Variants in THUMPD3 observed in about 807,000 individuals in gnomAD.
THUMPD3 encodes the protein THUMP domain 3 tRNA guanosine methyltransferase, also known as tRNA (guanine(6)-N(2))-methyltransferase THUMP3.
A neutral mutation model predicts 54.5 loss-of-function variants in THUMPD3; 44 were observed. That is an observed-to-expected ratio of 0.81 (90% CI 0.63 to 1.04). THUMPD3 has a LOEUF of 1.04. THUMPD3 is among the 50% of genes least tolerant of loss of function. The pLI, the probability that THUMPD3 is intolerant of heterozygous loss-of-function variation, is 0.00. For missense variants in THUMPD3, 604 were observed against 601.3 expected (o/e 1.00, Z -0.05); for synonymous variants, 196 against 201.4 (o/e 0.97, Z 0.23).
intron 5 of THUMPD3, among the ~76,000 whole-genome samples, chr3:9,375,420 C>T (rs760878795): frequency 3.3e-4 from 50 of 152,214 alleles, no homozygotes; most frequent in Admixed American, 2.4e-3. Flanking sequence ...GAGTACACGA[C>T]CTATCTTTCC....
chr3:9,365,137 A>G lies in THUMPD3; in HGVS notation c.69A>G (p.Val23=), dbSNP rs753603286. The change falls in exon 2 of 10, where the codon GTA becomes GTG. Residue 23 remains valine, a synonymous_variant. Transcript: ENST00000452837. ...DVNLHENQKS[V]QVTESDLGSE... ...ACCTTCATGAGAACCAGAAGTCTGT[A>G]CAAGTGACAGAAAGTGACCTCGGAA... 1.2e-6 allele frequency: 2 copies of G among 1,614,232 alleles called. No individual in the cohort carries two copies. Among genetic ancestry groups the G allele is most frequent in the African/African-American group, 1.3e-5 (1 of 75,068 alleles).
At chr3:9,377,911 T>C in intron 6 of THUMPD3, 23 bp downstream of exon 6, 1 of 1,575,970 alleles carries the variant, frequency 6.3e-7, no homozygotes, top group South Asian at 1.1e-5. Context: ...CTTTAGCTTT[T>C]AGATAAGAGT....
chr3:9,380,081 C>A (rs2032765272), intron 6 of THUMPD3, among the ~76,000 whole-genome samples: 1 of 152,112 alleles, frequency 6.6e-6, no homozygotes. Flanking sequence ...ACCGCATTAA[C>A]TTAGAATTTA....
chr3:9,383,284 G>A lies in THUMPD3; in HGVS notation c.1210G>A (p.Val404Ile). The A allele has an allele frequency of 1.2e-6, 2 of 1,613,556 alleles. No homozygotes were observed. Among genetic ancestry groups the A allele is most frequent in the Non-Finnish European group, 1.7e-6 (2 of 1,179,550 alleles). The change falls in exon 8 of 10, where the codon GTA becomes ATA. Residue 404 changes from valine (V) to isoleucine (I), a missense_variant. Physicochemically the swap from Val to Ile is conservative, Grantham distance 29. Coordinates refer to ENST00000452837, the MANE Select transcript of THUMPD3 (RefSeq NM_001114092.2). ...PLRTGSVDII[V>I]TDLPFGKRMG... ...GAGAACTGGCTCTGTGGATATTATT[G>A]TAACAGATTTGCCATTTGGAAAAAG...
In THUMPD3 at chr3:9,363,068, T is replaced by C. The variant is rs2031007297; in HGVS notation, c.-113T>C. On this transcript the variant is annotated 5_prime_UTR_variant, in exon 1 of 10. Transcript: ENST00000452837. ...TTTCCGGGGGCGGCTTCCGGCGGCG[T>C]GACCTGACCGCAAGAGGCCAATGGA... 1 of 152,176 alleles carries C rather than the reference T, an allele frequency of 6.6e-6. No individual in the cohort carries two copies. Among genetic ancestry groups the C allele is most frequent in the Non-Finnish European group, 1.5e-5 (1 of 68,112 alleles). The allele number at this position is 152,176 out of a possible 1,614,324, so 9.4% of individuals were successfully genotyped here.
At position 9,384,709 on chromosome 3, in the gene THUMPD3, A is replaced by T; in HGVS notation, c.*21A>T. On this transcript the variant is annotated 3_prime_UTR_variant, in exon 10 of 10. Transcript: ENST00000452837. ...AATGAAGATGACTAATAGTACTTGTACTTCCCACCACTGGAAATGTTAGCA... is the reference window on the plus strand; with the variant it reads ...AATGAAGATGACTAATAGTACTTGTTCTTCCCACCACTGGAAATGTTAGCA... The T allele has an allele frequency of 6.2e-7, 1 of 1,612,346 alleles. No homozygotes were observed. Among genetic ancestry groups the T allele is most frequent in the Non-Finnish European group, 8.5e-7 (1 of 1,178,726 alleles).
In THUMPD3 at chr3:9,377,896, T is replaced by C. The variant is rs200611720; in HGVS notation, c.1008+8T>C. On this transcript the variant is annotated splice_region_variant and intron_variant, in intron 6 of 9. Transcript: ENST00000452837. ...GGGGCAATACCAATAGAGGTAATCA[T>C]ATTTCTTTAGCTTTTAGATAAGAGT... 10 of 1,605,504 alleles carry C rather than the reference T, an allele frequency of 6.2e-6. No homozygotes were observed. In the African/African-American group the frequency reaches 6.7e-5, roughly 11 times the overall value.
At chr3:9,382,079 G>A (rs377453964) in intron 7 of THUMPD3, among the ~76,000 whole-genome samples, 28 of 151,782 alleles carry the variant, frequency 1.8e-4, no homozygotes, top group African/African-American at 5.3e-4. Flanking sequence ...CACTGTGCCC[G>A]GCCTCAACCT....
At chr3:9,370,989 G>A in intron 3 of THUMPD3, 71 bp from the exon 4 acceptor site, 7 of 1,318,572 alleles carry the variant, frequency 5.3e-6, no homozygotes, top group Non-Finnish European at 5.2e-6. Context: ...CTGTCCATAA[G>A]CAAAGTAGAG....
rs1341569357 is a variant in THUMPD3 at position 9,386,531 on chromosome 3, C to CT, written c.*1844dup. Reference sequence around the variant, plus strand: ...ATCATAGCTTTAATTCTATTACATACTACAATAAAAATTTGACAAGACTGA... The same window carrying CT: ...ATCATAGCTTTAATTCTATTACATACTTACAATAAAAATTTGACAAGACTGA... On this transcript the variant is annotated 3_prime_UTR_variant, in exon 10 of 10. Transcript: ENST00000452837. 1 of 152,118 alleles carries CT rather than the reference C, an allele frequency of 6.6e-6. No homozygotes were observed. Among genetic ancestry groups the CT allele is most frequent in the African/African-American group, 2.4e-5 (1 of 41,408 alleles). The allele number at this position is 152,118 out of a possible 1,614,324, so 9.4% of individuals were successfully genotyped here.
chr3:9,370,962 T>TC, intron 3 of THUMPD3, 98 bp from the exon 4 acceptor site: 2 of 1,012,638 alleles, frequency 2.0e-6, no homozygotes, highest in East Asian at 4.9e-5. Flanking sequence ...GGAACCAGTG[T>TC]CCCCCACGGA....
chr3:9,381,475 GGAC>G (rs2032887500), intron 7 of THUMPD3, among the ~76,000 whole-genome samples: 1 of 152,066 alleles, frequency 6.6e-6, no homozygotes, highest in African/African-American at 2.4e-5. Flanking sequence ...GGAAACTCCA[GGAC>G]AATGCTGATG....
chr3:9,366,896 T>G lies in THUMPD3; in HGVS notation c.253-12T>G. ...GCTTTCTCAGAAATGTGTTTCTTTT[T>G]TTTTCACCCAGGTTCATTGTCTGAG... On this transcript the variant is annotated splice_polypyrimidine_tract_variant and intron_variant, in intron 2 of 9. Transcript: ENST00000452837. 1 of 1,601,600 alleles carries G rather than the reference T, an allele frequency of 6.2e-7. No individual in the cohort carries two copies. The highest frequency in any genetic ancestry group is 8.5e-7 in the Non-Finnish European group (1 of 1,176,384).
chr3:9,368,767 A>G (rs1248801106), intron 3 of THUMPD3, among the ~76,000 whole-genome samples: 1 of 152,238 alleles, frequency 6.6e-6, no homozygotes, highest in Non-Finnish European at 1.5e-5. Flanking sequence ...GAATGGATAT[A>G]GAGTGAAAAG....
intron 5 of THUMPD3, among the ~76,000 whole-genome samples, chr3:9,375,860 A>T (rs1302812102): frequency 1.3e-5 from 2 of 152,194 alleles, no homozygotes; most frequent in Non-Finnish European, 2.9e-5. Context: ...GTGTATCTAA[A>T]CATAGAAAGG....
intron 5 of THUMPD3, among the ~76,000 whole-genome samples, chr3:9,375,996 A>G (rs17050290): frequency 0.02 from 3,085 of 152,310 alleles, 100 homozygotes; most frequent in Admixed American, 0.09. Context: ...TAACATATTA[A>G]TTCAATGACG....
intron 3 of THUMPD3, 87 bp downstream of exon 3, chr3:9,367,072 C>A: frequency 1.8e-6 from 2 of 1,082,918 alleles, no homozygotes; most frequent in Non-Finnish European, 2.8e-6. Flanking sequence ...GAAAGTTTAG[C>A]ATTACTGTAG....
chr3:9,377,680 T>C, intron 5 of THUMPD3, 139 bp from the exon 6 acceptor site: 1 of 625,212 alleles, frequency 1.6e-6, no homozygotes, highest in South Asian at 2.1e-5. Flanking sequence ...CGGCCACAAA[T>C]TGATTTCTAA....
In THUMPD3 at chr3:9,383,719, G is replaced by T. The variant is rs2033104203; in HGVS notation, c.1235+410G>T. Among the ~76,000 whole-genome samples, 3 of 152,068 alleles carry T rather than the reference G, an allele frequency of 2.0e-5. No homozygotes were observed. The South Asian group carries it at 6.2e-4, about 32-fold the overall frequency. On this transcript the variant is annotated intron_variant, in intron 8 of 9. Transcript: ENST00000452837. ...GCTCACTGTAACCTCTGCCTCCCGG[G>T]TTCAAGCGATTCTCCTGCCTCACCC...
Sources: allele counts gnomAD v4.1 joint callset (sites outside exome capture counted in the v4.1 genomes callset), GRCh38; gene constraint gnomAD v4.1.1; transcripts MANE v1.5; gene names NCBI Gene and HGNC (gene_info 2026-07-23, HGNC 2026-07-21).